The following ZFAT variants were observed in gnomAD, a reference collection of about 807,000 sequenced individuals.
The protein encoded by ZFAT is zinc finger protein ZFAT.
Under a neutral mutation model 117.7 loss-of-function variants are expected in ZFAT, and 64 were observed. That is an observed-to-expected ratio of 0.54 (90% CI 0.44 to 0.67). ZFAT has a LOEUF of 0.67. ZFAT is among the 30% of genes least tolerant of loss of function. The pLI, the probability that ZFAT is intolerant of heterozygous loss-of-function variation, is 0.00. For synonymous variants in ZFAT, 679 were observed against 615.0 expected, an observed-to-expected ratio of 1.10 and a Z score of -1.54; for missense variants, 1,433 against 1,584.5, an observed-to-expected ratio of 0.90 and a Z score of 1.62.
chr8:134,612,854 A>G lies in ZFAT; in HGVS notation c.449-2199T>C, dbSNP rs548346909. On this transcript the variant is annotated intron_variant, in intron 3 of 15. Coordinates refer to ENST00000377838, the MANE Select transcript of ZFAT (RefSeq NM_020863.4). The stretch of plus-strand genomic sequence containing the variant: ...ATGATGACTCCTATAAAGCCGGAGA[A>G]TGAGGAAAACAAGTGATCTCAAAGT... 4.6e-5 allele frequency among the ~76,000 whole-genome samples: 7 copies of G among 152,350 alleles called. No individual in the cohort carries two copies. The South Asian group carries it at 1.4e-3, about 32-fold the overall frequency.
At chr8:134,635,579 G>C (rs1216038138) in intron 3 of ZFAT, among the ~76,000 whole-genome samples, 1 of 152,232 alleles carries the variant, frequency 6.6e-6, no homozygotes, top group Admixed American at 6.5e-5. Context: ...CCGGAGCAGG[G>C]GGCATGCATA....
At chr8:134,729,303 G>A in the ZFAT span, among the ~76,000 whole-genome samples, 72 of 152,268 alleles carry the variant, frequency 4.7e-4, no homozygotes, top group Non-Finnish European at 1.0e-3. Context: ...GGCTGCCCCT[G>A]GGATTTCATC....
intron 3 of ZFAT, among the ~76,000 whole-genome samples, chr8:134,631,814 G>A (rs1398126443): frequency 6.6e-6 from 1 of 152,190 alleles, no homozygotes; most frequent in Non-Finnish European, 1.5e-5. Context: ...TGTGTAGGGT[G>A]TAGCCACTGG....
chr8:134,611,727 A>T (rs1828342604), intron 3 of ZFAT, among the ~76,000 whole-genome samples: 1 of 152,234 alleles, frequency 6.6e-6, no homozygotes, highest in Admixed American at 6.5e-5. Context: ...ATTTCTTAAA[A>T]CAATGGAAGA....
At chr8:134,749,668 G>A in the ZFAT span, among the ~76,000 whole-genome samples, 1 of 152,100 alleles carries the variant, frequency 6.6e-6, no homozygotes, top group South Asian at 2.1e-4. Context: ...TACAGTATGA[G>A]GAAGGAATAA....
Position 134,478,826 on chromosome 8 carries a change from G to C in ZFAT, c.3493-105C>G. The C allele has an allele frequency of 6.9e-7, 1 of 1,451,022 alleles. No individual in the cohort carries two copies. The allele number at this position is 1,451,022 out of a possible 1,614,324, so 89.9% of individuals were successfully genotyped here. A position where few individuals can be genotyped will look rare whatever the true frequency, so the allele number is the denominator to read the frequency against. On this transcript the variant is annotated intron_variant, in intron 15 of 15. Coordinates refer to ENST00000377838, the MANE Select transcript of ZFAT (RefSeq NM_020863.4). This position sits in a 1 kb window ranked among gnomAD's most constrained non-coding sequence, Gnocchi z 5.2. ...TAGGAGGCACCAGTGCGCTGCGGGA[G>C]CACGTCCATTCTCCACGGATCCTCT...
intron 3 of ZFAT, among the ~76,000 whole-genome samples, chr8:134,620,482 G>A (rs896821938): frequency 1.3e-5 from 2 of 152,202 alleles, no homozygotes; most frequent in Non-Finnish European, 2.9e-5. Flanking sequence ...CTATTGGCTT[G>A]TCAATGGTGT....
Position 134,610,509 on chromosome 8 carries a change from T to C in ZFAT, c.595A>G (p.Ile199Val). 3 of 1,614,182 alleles carry C rather than the reference T, an allele frequency of 1.9e-6. No homozygotes were observed. The highest frequency in any genetic ancestry group is 2.5e-6 in the Non-Finnish European group (3 of 1,180,026). The change falls in exon 4 of 16, where the codon ATC (isoleucine) becomes GTC (valine). Residue 199 changes from isoleucine to valine, a missense_variant. Physicochemically the swap from Ile to Val is conservative, Grantham distance 29. Transcript: ENST00000377838. Reference protein sequence around the residue: ...ARQLSGAKKPIISVVLTAHEA... With the variant: ...ARQLSGAKKPVISVVLTAHEA... Reference sequence around the variant, plus strand: ...TGTGCAGTTAAAACCACACTTATGATGGGTTTCTTCGCCCCAGAAAGCTGT... The same window carrying C: ...TGTGCAGTTAAAACCACACTTATGACGGGTTTCTTCGCCCCAGAAAGCTGT...
chr8:134,520,752 G>T (rs556081999), intron 13 of ZFAT, 131 bp downstream of exon 13: 3 of 699,806 alleles, frequency 4.3e-6, no homozygotes, highest in African/African-American at 3.6e-5. Context: ...ATTTGAAAAC[G>T]TTTCAGAAGT....
chr8:134,630,651 T>C (rs1244454486), intron 3 of ZFAT, among the ~76,000 whole-genome samples: 2 of 152,174 alleles, frequency 1.3e-5, no homozygotes, highest in South Asian at 2.1e-4. Flanking sequence ...AAATTTGACA[T>C]ATTGATTTCT....
intron 1 of ZFAT, chr8:134,674,766 GC>G: frequency 3.4e-6 from 1 of 289,886 alleles, no homozygotes; most frequent in South Asian, 2.9e-5. Context: ...TCTGGCAGGT[GC>G]CCCTCTGGGA....
chr8:134,690,712 T>A (rs916341087), intron 1 of ZFAT, among the ~76,000 whole-genome samples: 1 of 152,188 alleles, frequency 6.6e-6, no homozygotes, highest in Non-Finnish European at 1.5e-5. Context: ...ATCCCCAGCC[T>A]ACCAAAATGA....
chr8:134,510,299 C>T (rs1819724394), intron 14 of ZFAT: 1 of 391,192 alleles, frequency 2.6e-6, no homozygotes, highest in Non-Finnish European at 5.2e-6. Context: ...TCTGCATCAT[C>T]AGGCAGCTAT....
the ZFAT span, chr8:134,798,206 AATAATT>A: frequency 6.6e-6 from 1 of 152,028 alleles, no homozygotes; most frequent in African/African-American, 2.4e-5. Flanking sequence ...ATGCTCACCA[AATAATT>A]ATAAGATACC....
chr8:134,755,559 C>A, the ZFAT span, among the ~76,000 whole-genome samples: 1 of 151,872 alleles, frequency 6.6e-6, no homozygotes, highest in Non-Finnish European at 1.5e-5. Context: ...TGCCTGTAAT[C>A]CCCGCACTGT....
chr8:134,491,257 A>G (rs1361500297), intron 15 of ZFAT, among the ~76,000 whole-genome samples: 2 of 152,232 alleles, frequency 1.3e-5, no homozygotes, highest in Admixed American at 6.5e-5. Context: ...CATTTGCTCT[A>G]CGAAAGCCCT....
chr8:134,628,085 A>T (rs1829640066), intron 3 of ZFAT, among the ~76,000 whole-genome samples: 1 of 152,180 alleles, frequency 6.6e-6, no homozygotes, highest in Non-Finnish European at 1.5e-5. Context: ...GGAAAGGGGA[A>T]ATAAAGCTGT....
chr8:134,602,169 T>C lies in ZFAT; in HGVS notation c.1550A>G (p.Gln517Arg), dbSNP rs770010050. 1 of 1,613,466 alleles carries C rather than the reference T, an allele frequency of 6.2e-7. No individual in the cohort carries two copies. Among genetic ancestry groups the C allele is most frequent in the South Asian group, 1.1e-5 (1 of 91,052 alleles). ...IQQEALGDQL[Q>R]LVEEEFALQG... ...GAGGGCAAACTCCTCTTCCACCAGC[T>C]GTAGCTGGTCCCCCAGAGCTTCTTG... The change falls in exon 6 of 16, where the codon CAG becomes CGG. Residue 517 changes from glutamine to arginine, a missense_variant. By Grantham distance (43) the Gln-to-Arg change is conservative (BLOSUM62 1). Around this residue, in one of 5 missense-constraint regions of ZFAT, gnomAD observed 372 missense variants for 355.6 expected, o/e 1.05. Coordinates refer to ENST00000377838, the MANE Select transcript of ZFAT (RefSeq NM_020863.4).
chr8:134,636,651 ATGGG>A (rs976366094), intron 3 of ZFAT, among the ~76,000 whole-genome samples: 1 of 152,198 alleles, frequency 6.6e-6, no homozygotes, highest in Non-Finnish European at 1.5e-5. Flanking sequence ...GAACTTAAAC[ATGGG>A]GTACAGTTTG....
Sources: allele counts gnomAD v4.1 joint callset (sites outside exome capture counted in the v4.1 genomes callset), GRCh38; gene constraint gnomAD v4.1.1; regional missense constraint gnomAD v4.1.1; non-coding constraint Gnocchi (gnomAD v3.1); transcripts MANE v1.5; gene names NCBI Gene and HGNC (gene_info 2026-07-23, HGNC 2026-07-21).